The following ARAP2 variants were observed in gnomAD, a reference collection of about 807,000 sequenced individuals.
ARAP2 encodes the protein ArfGAP with RhoGAP domain, ankyrin repeat and PH domain 2.
ARAP2 carries 148 observed loss-of-function variants against 194.5 expected under a neutral mutation model. The ratio of observed to expected loss-of-function variants is 0.76; its 90% CI spans 0.67 to 0.87. The LOEUF (loss-of-function observed/expected upper bound fraction) is 0.87. Ranked by LOEUF, ARAP2 falls within the 40% of genes least tolerant of loss-of-function variation. The pLI, the probability that ARAP2 is intolerant of heterozygous loss-of-function variation, is 0.00. For missense variants in ARAP2, 2,128 were observed against 1,989.7 expected (o/e 1.07, Z -1.32); for synonymous variants, 695 against 683.5 (o/e 1.02, Z -0.26).
intron 21 of ARAP2, among the ~76,000 whole-genome samples, chr4:36,125,739 G>C (rs754216767): frequency 6.6e-6 from 1 of 152,006 alleles, no homozygotes; most frequent in South Asian, 2.1e-4. Context: ...TCTGTAGAGA[G>C]CATGCAGTGA....
chr4:36,196,159 A>G (rs2109929248), intron 6 of ARAP2, among the ~76,000 whole-genome samples: 1 of 152,362 alleles, frequency 6.6e-6, no homozygotes, highest in South Asian at 2.1e-4. Context: ...AAAGGTTTAC[A>G]ACCTATTTTC....
chr4:36,070,912 T>G (rs190690473), intron 32 of ARAP2, among the ~76,000 whole-genome samples: 275 of 152,294 alleles, frequency 1.8e-3, no homozygotes, highest in African/African-American at 6.4e-3. Context: ...TTTGCCCAAG[T>G]TTGCATAAGT....
rs74811356 is a variant in ARAP2, at chr4:36,174,453, G to T, written c.1857+3374C>A. 4.3e-3 allele frequency among the ~76,000 whole-genome samples: 653 copies of T among 152,194 alleles called. 3 individuals carry two copies. The highest frequency in any genetic ancestry group is 0.015 in the African/African-American group (611 of 41,516). On this transcript the variant is annotated intron_variant, in intron 9 of 32. Coordinates refer to ENST00000303965, the MANE Select transcript of ARAP2 (RefSeq NM_015230.4). ...GAATCTGAGTGTCAGTTTTTACTAT[G>T]CCATTTTCTACTCTAACAAATGTTT... is the stretch of plus-strand genomic sequence containing the variant.
At chr4:36,145,475 A>G (rs983659413) in intron 19 of ARAP2, among the ~76,000 whole-genome samples, 1 of 151,954 alleles carries the variant, frequency 6.6e-6, no homozygotes, top group African/African-American at 2.4e-5. Flanking sequence ...GGAGTTAAAC[A>G]ATGAGTTACA....
intron 27 of ARAP2, among the ~76,000 whole-genome samples, chr4:36,101,456 T>C (rs1716912378): frequency 6.6e-6 from 1 of 151,886 alleles, no homozygotes; most frequent in Non-Finnish European, 1.5e-5. Flanking sequence ...AGAAAATTGT[T>C]TTCCTATACT....
In ARAP2 at chr4:36,114,284, A is replaced by T; in HGVS notation, c.4042T>A (p.Ser1348Thr). ...EPDCSIIIRI[S>T]PVMEAEELTN... Reference sequence around the variant, plus strand: ...AATTCTTCTGCTTCCATCACAGGAGATATCTGTAAGAGAAGTAATATTTTT... The same window carrying T: ...AATTCTTCTGCTTCCATCACAGGAGTTATCTGTAAGAGAAGTAATATTTTT... Residue 1348 changes from serine to threonine, a missense_variant, in exon 26 of 33, where the codon TCT (serine) becomes ACT (threonine). Ser to Thr is a moderately conservative substitution (Grantham distance 58). Coordinates refer to ENST00000303965, the MANE Select transcript of ARAP2 (RefSeq NM_015230.4). 1 of 1,557,460 alleles carries T rather than the reference A, an allele frequency of 6.4e-7. No homozygotes were observed. Among genetic ancestry groups the T allele is most frequent in the Non-Finnish European group, 8.8e-7 (1 of 1,136,428 alleles).
Position 36,014,312 on chromosome 4 carries a change from AAGAAAGAAAGAG to A in ARAP2, n.1056+1062_1056+1073del, listed in dbSNP as rs1201709180. 1.4e-3 allele frequency among the ~76,000 whole-genome samples: 107 copies of A among 76,962 alleles called. 3 individuals are homozygous for A. The highest frequency in any genetic ancestry group is 2.0e-3 in the Non-Finnish European group (74 of 37,720). 50.5% of individuals were successfully genotyped at this position (76,962 alleles called of 152,430 possible). A position where few individuals can be genotyped will look rare whatever the true frequency, so the allele number is the denominator to read the frequency against. On this transcript the variant is annotated intron_variant and non_coding_transcript_variant, in intron 8 of 12. Coordinates refer to the ARAP2 transcript ENST00000503225. ...AAGAAAGAAAGAAGAGAAGGAAGGA[AAGAAAGAAAGAG>A]AGAAAGAAAGAAAGAAAGAAAGAAA...
At chr4:36,028,622 A>G (rs1461899629) in intron 5 of ARAP2, among the ~76,000 whole-genome samples, 1 of 150,264 alleles carries the variant, frequency 6.7e-6, no homozygotes, top group Non-Finnish European at 1.5e-5. Flanking sequence ...TTTTTCCTGA[A>G]AAAATCAGTC....
intron 8 of ARAP2, among the ~76,000 whole-genome samples, chr4:36,178,713 A>T (rs1560602062): frequency 1.3e-5 from 2 of 152,232 alleles, no homozygotes; most frequent in African/African-American, 4.8e-5. Context: ...AATGGAACAC[A>T]GTAGTATAAA....
At chr4:36,198,877 C>G (rs1297724662) in intron 6 of ARAP2, among the ~76,000 whole-genome samples, 1 of 152,184 alleles carries the variant, frequency 6.6e-6, no homozygotes, top group Non-Finnish European at 1.5e-5. Flanking sequence ...AGGGCTCCTG[C>G]CAGCTTCCAG....
chr4:36,216,530 C>T (rs1747972634), intron 2 of ARAP2, among the ~76,000 whole-genome samples: 3 of 152,068 alleles, frequency 2.0e-5, no homozygotes, highest in Admixed American at 2.0e-4. Context: ...AATAAATAGT[C>T]ACCAAACTTC....
At chr4:36,017,472 G>A (rs1716036241) in intron 6 of ARAP2, among the ~76,000 whole-genome samples, 1 of 146,826 alleles carries the variant, frequency 6.8e-6, no homozygotes, top group Non-Finnish European at 1.5e-5. Flanking sequence ...AGAGAGAAAG[G>A]GAGATGGGAG....
At chr4:36,139,629 T>C (rs922126601) in intron 19 of ARAP2, among the ~76,000 whole-genome samples, 3 of 151,680 alleles carry the variant, frequency 2.0e-5, no homozygotes, top group African/African-American at 7.3e-5. Context: ...TGGATTTTAG[T>C]GTAAGCATTT....
chr4:36,188,770 C>A lies in ARAP2; in HGVS notation c.1558-1199G>T, dbSNP rs143375932. ...GATATAACTGATTTGGAAAAAACAG[C>A]AAACCATTCCATGCAGGGAGCAAGT... On this transcript the variant is annotated intron_variant, in intron 7 of 32. Coordinates refer to ENST00000303965, the MANE Select transcript of ARAP2 (RefSeq NM_015230.4). 1.0e-3 allele frequency among the ~76,000 whole-genome samples: 155 copies of A among 152,276 alleles called. 1 individual carries two copies. In the East Asian group the frequency reaches 0.029, roughly 28 times the overall value.
intron 22 of ARAP2, among the ~76,000 whole-genome samples, chr4:36,121,531 G>A (rs1264014549): frequency 6.6e-6 from 1 of 151,766 alleles, no homozygotes; most frequent in African/African-American, 2.4e-5. Flanking sequence ...CTGTTAAATA[G>A]ATTAGTAAAA....
intron 28 of ARAP2, among the ~76,000 whole-genome samples, chr4:36,088,859 T>C (rs952130997): frequency 6.6e-6 from 1 of 152,140 alleles, no homozygotes; most frequent in Non-Finnish European, 1.5e-5. Context: ...TGGTCTTTCT[T>C]TGTGCATCTC....
At chr4:36,149,775 A>G (rs143095233) in intron 16 of ARAP2, among the ~76,000 whole-genome samples, 273 of 152,316 alleles carry the variant, frequency 1.8e-3, no homozygotes, top group Non-Finnish European at 3.2e-3. Context: ...TTTTGTTCAC[A>G]TCAAAAATCA....
intron 7 of ARAP2, among the ~76,000 whole-genome samples, chr4:36,193,225 A>G (rs1742342962): frequency 6.6e-6 from 1 of 152,202 alleles, no homozygotes; most frequent in African/African-American, 2.4e-5. Flanking sequence ...GTCCTGCAGC[A>G]ATAAAGAAGC....
Position 36,229,509 on chromosome 4 carries a change from T to G in ARAP2, c.-23A>C, listed in dbSNP as rs1553955908. 6.4e-7 allele frequency: 1 copy of G among 1,559,352 alleles called. No homozygotes were observed. Among genetic ancestry groups the G allele is most frequent in the Non-Finnish European group, 8.7e-7 (1 of 1,150,512 alleles). On this transcript the variant is annotated 5_prime_UTR_variant, in exon 2 of 33. Transcript: ENST00000303965. Reference sequence around the variant, plus strand: ...CATAATGGTGGCTTCATTACTAAGCTGAGTTACAAAAAGTGGCACGATGAG... The same window carrying G: ...CATAATGGTGGCTTCATTACTAAGCGGAGTTACAAAAAGTGGCACGATGAG...
Sources: gnomAD v4.1 joint callset for allele counts (sites outside exome capture counted in the v4.1 genomes callset) on GRCh38, gnomAD v4.1.1 for gene constraint, MANE v1.5 for transcripts, NCBI Gene and HGNC (gene_info 2026-07-23, HGNC 2026-07-21) for gene names.